Variants in EDARADD observed in about 807,000 individuals in gnomAD.
EDARADD encodes the protein EDAR associated via death domain.
Under a neutral mutation model 25.6 loss-of-function variants are expected in EDARADD, and 20 were observed. The ratio of observed to expected loss-of-function variants is 0.78; its 90% CI spans 0.55 to 1.14. The LOEUF is 1.14. Among genes scored for constraint, EDARADD ranks in the 50% most tolerant of loss-of-function variants. The pLI is 0.00. For missense variants in EDARADD, 225 were observed against 270.1 expected (o/e 0.83, Z 1.17); for synonymous variants, 86 against 94.4 (o/e 0.91, Z 0.52).
chr1:236,401,554 T>A (rs1667611885), intron 1 of EDARADD, among the ~76,000 whole-genome samples: 1 of 152,194 alleles, frequency 6.6e-6, no homozygotes, highest in South Asian at 2.1e-4. Context: ...TTTCCCAGCA[T>A]TCCTGAAGAG....
intron 3 of EDARADD, among the ~76,000 whole-genome samples, chr1:236,353,042 C>A (rs1206702831): frequency 7.2e-5 from 11 of 151,912 alleles, no homozygotes; most frequent in Admixed American, 7.2e-4. Flanking sequence ...AATTATCTAA[C>A]AGTAATAATG....
intron 1 of EDARADD, among the ~76,000 whole-genome samples, chr1:236,397,994 C>T (rs900457920): frequency 1.3e-5 from 2 of 152,212 alleles, no homozygotes; most frequent in Admixed American, 6.5e-5. Context: ...ACCATACTCT[C>T]TCGCCTGATT....
At chr1:236,409,747 A>G (rs202035417) in intron 2 of EDARADD, among the ~76,000 whole-genome samples, 261 of 146,762 alleles carry the variant, frequency 1.8e-3, no homozygotes, top group African/African-American at 6.3e-3. Flanking sequence ...TTTTTTTGGT[A>G]GAGTGGGGGT....
At chr1:236,431,927 CAAAAAA>C (rs1170622280) in intron 4 of EDARADD, among the ~76,000 whole-genome samples, 16 of 17,990 alleles carry the variant, frequency 8.9e-4, no homozygotes, top group African/African-American at 1.3e-3. Flanking sequence ...GACTCCGTCT[CAAAAAA>C]AAAAAAAAAA....
chr1:236,409,923 A>T (rs1253623867), intron 2 of EDARADD, among the ~76,000 whole-genome samples: 1 of 152,022 alleles, frequency 6.6e-6, no homozygotes, highest in Non-Finnish European at 1.5e-5. Context: ...TGCCAGATGG[A>T]CACACGCTAT....
chr1:236,378,903 T>C (rs1033749018), intron 3 of EDARADD, among the ~76,000 whole-genome samples: 1 of 152,086 alleles, frequency 6.6e-6, no homozygotes, highest in Non-Finnish European at 1.5e-5. Context: ...AATCCCAAAC[T>C]CTATTTTTTA....
intron 3 of EDARADD, among the ~76,000 whole-genome samples, chr1:236,388,821 C>T (rs1385365121): frequency 6.6e-6 from 1 of 152,168 alleles, no homozygotes; most frequent in Non-Finnish European, 1.5e-5. Flanking sequence ...TTCTAAATGA[C>T]AATTTGTTAA....
chr1:236,476,664 T>C (rs1391392084), intron 5 of EDARADD, among the ~76,000 whole-genome samples: 1 of 150,046 alleles, frequency 6.7e-6, no homozygotes, highest in East Asian at 1.9e-4. Flanking sequence ...TAGCTGGGAT[T>C]ACAGGCATGT....
intron 4 of EDARADD, among the ~76,000 whole-genome samples, chr1:236,442,714 C>T (rs1658432710): frequency 6.6e-6 from 1 of 152,214 alleles, no homozygotes; most frequent in African/African-American, 2.4e-5. Flanking sequence ...ACTGTTAAGA[C>T]CTAGTGCTCA....
chr1:236,445,234 C>CTTTGTTTTTTTTTTTTTT lies in EDARADD; in HGVS notation c.219+17787_219+17788insGTTTTTTTTTTTTTTTTT, dbSNP rs1658500949. Reference sequence around the variant, plus strand: ...TGCATTAGCTGGGACATAATAAATTCTTTTTTTTTTTGAGACAGAGTCTTG... The same window carrying CTTTGTTTTTTTTTTTTTT: ...TGCATTAGCTGGGACATAATAAATTCTTTGTTTTTTTTTTTTTTTTTTTTTTTTTGAGACAGAGTCTTG... On this transcript the variant is annotated intron_variant, in intron 4 of 5. Coordinates refer to ENST00000334232, the MANE Select transcript of EDARADD (RefSeq NM_145861.4). 2.2e-5 allele frequency among the ~76,000 whole-genome samples: 2 copies of CTTTGTTTTTTTTTTTTTT among 89,698 alleles called. 1 individual carries two copies. Among genetic ancestry groups the CTTTGTTTTTTTTTTTTTT allele is most frequent in the Non-Finnish European group, 4.8e-5 (2 of 41,736 alleles). 58.8% of individuals were successfully genotyped at this position (89,698 alleles called of 152,430 possible). A position where few individuals can be genotyped will look rare whatever the true frequency, so the allele number is the denominator to read the frequency against.
intron 2 of EDARADD, among the ~76,000 whole-genome samples, chr1:236,411,114 T>C (rs1657461954): frequency 6.6e-6 from 1 of 152,148 alleles, no homozygotes; most frequent in Admixed American, 6.5e-5. Flanking sequence ...TTTCTTTCCC[T>C]CCCTTGGAGC....
intron 3 of EDARADD, among the ~76,000 whole-genome samples, chr1:236,361,286 G>C (rs1054606458): frequency 6.7e-6 from 1 of 148,950 alleles, no homozygotes; most frequent in Non-Finnish European, 1.5e-5. Flanking sequence ...TCAATTCCTT[G>C]GTTTTGTTTT....
At chr1:236,367,260 C>T (rs546209304) in intron 3 of EDARADD, among the ~76,000 whole-genome samples, 11 of 139,840 alleles carry the variant, frequency 7.9e-5, no homozygotes, top group East Asian at 2.2e-4. Context: ...GACGGAGTCT[C>T]GCTCTGTCAC....
intron 4 of EDARADD, among the ~76,000 whole-genome samples, chr1:236,458,995 G>A (rs894782418): frequency 6.6e-6 from 1 of 152,122 alleles, no homozygotes; most frequent in Admixed American, 6.5e-5. Flanking sequence ...CAAAACTTTA[G>A]ATGGTATTTA....
At chr1:236,405,730 T>TTTCG (rs1491172583) in intron 1 of EDARADD, among the ~76,000 whole-genome samples, 1 of 20,824 alleles carries the variant, frequency 4.8e-5, no homozygotes, top group East Asian at 6.8e-4. Flanking sequence ...TTTCTTTTTC[T>TTTCG]TTCTTTCTTT....
chr1:236,429,061 G>A (rs1405775151), intron 4 of EDARADD, among the ~76,000 whole-genome samples: 3 of 152,076 alleles, frequency 2.0e-5, no homozygotes, highest in Non-Finnish European at 2.9e-5. Flanking sequence ...AGGCAGGGAG[G>A]TTGCAGTGAG....
chr1:236,431,285 T>A (rs1162127120), intron 4 of EDARADD, among the ~76,000 whole-genome samples: 1 of 152,094 alleles, frequency 6.6e-6, no homozygotes, highest in African/African-American at 2.4e-5. Context: ...CATCATAGTG[T>A]CCTAGTGTCA....
At chr1:236,475,495 T>C (rs1659476463) in intron 5 of EDARADD, among the ~76,000 whole-genome samples, 1 of 152,150 alleles carries the variant, frequency 6.6e-6, no homozygotes, top group South Asian at 2.1e-4. Context: ...GCGAGCACTG[T>C]GGCCCATGCT....
chr1:236,450,551 C>G (rs1658683195), intron 4 of EDARADD, among the ~76,000 whole-genome samples: 1 of 147,340 alleles, frequency 6.8e-6, no homozygotes, highest in African/African-American at 2.5e-5. Flanking sequence ...CCCCAACCCC[C>G]CCTTTTTTTT....
Sources: gnomAD v4.1 joint callset for allele counts (sites outside exome capture counted in the v4.1 genomes callset) on GRCh38, gnomAD v4.1.1 for gene constraint, MANE v1.5 for transcripts, NCBI Gene and HGNC (gene_info 2026-07-23, HGNC 2026-07-21) for gene names.